The following RYR3 variants were observed in gnomAD, a reference collection of about 807,000 sequenced individuals.
RYR3 encodes the protein brain ryanodine receptor-calcium release channel.
A neutral mutation model predicts 584.3 loss-of-function variants in RYR3; 207 were observed. That is an observed-to-expected ratio of 0.35 (90% CI 0.32 to 0.40). The LOEUF is 0.40. RYR3 is among the 10% of genes least tolerant of loss of function. The probability of loss-of-function intolerance (pLI) is 1.00; values close to 1 mark genes in which losing one functional copy is unlikely to be tolerated. For synonymous variants in RYR3, 2,416 were observed against 2,248.5 expected (o/e 1.07, Z -2.11); for missense variants, 5,616 against 6,089.2 (o/e 0.92, Z 2.59).
chr15:33,706,843 T>G, intron 42 of RYR3, 76 bp from the exon 43 acceptor site: 2 of 1,377,624 alleles, frequency 1.5e-6, no homozygotes, highest in Non-Finnish European at 2.0e-6. Flanking sequence ...AACCAACACT[T>G]GTTATTTTTT....
chr15:33,729,783 T>C (rs1319958931), intron 47 of RYR3, among the ~76,000 whole-genome samples: 1 of 152,092 alleles, frequency 6.6e-6, no homozygotes, highest in Non-Finnish European at 1.5e-5. Context: ...CTAAAAAACA[T>C]CTTTCCAGTT....
chr15:33,535,713 T>G lies in RYR3; in HGVS notation c.433+2324T>G, dbSNP rs1328894456. On this transcript the variant is annotated intron_variant, in intron 5 of 103. Coordinates refer to ENST00000634891, the MANE Select transcript of RYR3 (RefSeq NM_001036.6). ...CTTTTTAGTCAAGTGTTCAGAGAAT[T>G]ATTTTAATTGTTAGAGCCTTAAATA... Among the ~76,000 whole-genome samples the G allele has an allele frequency of 3.9e-5, 6 of 152,358 alleles. No individual in the cohort carries two copies. The East Asian group carries it at 1.2e-3, about 29-fold the overall frequency.
intron 7 of RYR3, among the ~76,000 whole-genome samples, 160 bp downstream of exon 7, chr15:33,541,050 A>G (rs1293430190): frequency 6.6e-6 from 1 of 151,946 alleles, no homozygotes; most frequent in Non-Finnish European, 1.5e-5. Flanking sequence ...TTCAGTACAG[A>G]TTATTTTCTA....
chr15:33,488,814 G>A (rs1198656599), intron 2 of RYR3, among the ~76,000 whole-genome samples: 1 of 152,070 alleles, frequency 6.6e-6, no homozygotes, highest in African/African-American at 2.4e-5. Context: ...CTGCACTACT[G>A]CACTCCAGCC....
chr15:33,472,804 G>C (rs1166273696), intron 1 of RYR3, among the ~76,000 whole-genome samples: 1 of 152,018 alleles, frequency 6.6e-6, no homozygotes, highest in Non-Finnish European at 1.5e-5. Flanking sequence ...TTGACCTTCA[G>C]TTCCTCCTCC....
chr15:33,812,026 G>A (rs1012464227), intron 72 of RYR3, among the ~76,000 whole-genome samples: 1 of 152,000 alleles, frequency 6.6e-6, no homozygotes, highest in Admixed American at 6.6e-5. Flanking sequence ...GAAATCTCTA[G>A]GGCCAGAAAA....
chr15:33,473,252 G>A, intron 1 of RYR3, 167 bp from the exon 2 acceptor site: 1 of 821,048 alleles, frequency 1.2e-6, no homozygotes, highest in South Asian at 1.3e-5. Flanking sequence ...GCTCCGTGAT[G>A]TCCTGTGAAT....
intron 1 of RYR3, among the ~76,000 whole-genome samples, chr15:33,313,967 C>G (rs532672224): frequency 6.6e-6 from 1 of 152,288 alleles, no homozygotes; most frequent in Non-Finnish European, 1.5e-5. Context: ...CTGCAGTAAC[C>G]ACTGTAGGTG....
chr15:33,373,300 C>T (rs534800980), intron 1 of RYR3, among the ~76,000 whole-genome samples: 3 of 152,284 alleles, frequency 2.0e-5, no homozygotes, highest in East Asian at 1.9e-4. Flanking sequence ...TCTATATAAA[C>T]GCCAGAAGAG....
intron 1 of RYR3, among the ~76,000 whole-genome samples, chr15:33,458,527 A>T (rs758099869): frequency 3.9e-5 from 6 of 152,188 alleles, no homozygotes; most frequent in Non-Finnish European, 8.8e-5. Flanking sequence ...TTGTGTGTGT[A>T]TATCTCCTAT....
intron 88 of RYR3, 89 bp from the exon 89 acceptor site, chr15:33,837,542 A>G: frequency 7.1e-7 from 1 of 1,417,278 alleles, no homozygotes; most frequent in Non-Finnish European, 9.4e-7. Flanking sequence ...ATTTGGCACA[A>G]AAGTCTTCTA....
At chr15:33,636,158 G>T (rs897242917) in intron 26 of RYR3, among the ~76,000 whole-genome samples, 3 of 152,122 alleles carry the variant, frequency 2.0e-5, no homozygotes, top group Admixed American at 2.0e-4. Context: ...CCTGATTATT[G>T]CCATAGCTGT....
chr15:33,646,062 T>A (rs944536242), intron 28 of RYR3, among the ~76,000 whole-genome samples: 1 of 152,216 alleles, frequency 6.6e-6, no homozygotes, highest in Admixed American at 6.5e-5. Flanking sequence ...CTATGCTGTG[T>A]CTCCCAGATG....
intron 16 of RYR3, among the ~76,000 whole-genome samples, chr15:33,588,255 C>T (rs2058955732): frequency 6.6e-6 from 1 of 152,126 alleles, no homozygotes; most frequent in Admixed American, 6.5e-5. Context: ...AGCAGTTTCC[C>T]AGGAGCCACA....
chr15:33,757,406 A>G, intron 59 of RYR3, 69 bp from the exon 60 acceptor site: 1 of 1,522,170 alleles, frequency 6.6e-7, no homozygotes, highest in Non-Finnish European at 8.9e-7. Context: ...GAAAATAAAC[A>G]CTTTTAAATG....
At chr15:33,551,110 G>T (rs1484011210) in intron 10 of RYR3, among the ~76,000 whole-genome samples, 1 of 152,210 alleles carries the variant, frequency 6.6e-6, no homozygotes, top group African/African-American at 2.4e-5. Context: ...TGAACGGTCA[G>T]AATTGCATGC....
intron 1 of RYR3, among the ~76,000 whole-genome samples, chr15:33,334,855 C>G (rs983326992): frequency 2.0e-5 from 3 of 151,454 alleles, no homozygotes; most frequent in African/African-American, 7.3e-5. Flanking sequence ...CCCCATTAAA[C>G]AGTGGGCAAA....
chr15:33,737,274 T>A (rs1292552052), intron 49 of RYR3, among the ~76,000 whole-genome samples: 1 of 152,162 alleles, frequency 6.6e-6, no homozygotes, highest in Non-Finnish European at 1.5e-5. Flanking sequence ...CCCTTTTTTT[T>A]ATTGTCTTGT....
chr15:33,328,215 C>G (rs1301887590), intron 1 of RYR3, among the ~76,000 whole-genome samples: 1 of 152,200 alleles, frequency 6.6e-6, no homozygotes, highest in African/African-American at 2.4e-5. Context: ...ATCTCATGTT[C>G]CAACTAAACT....
Sources: gnomAD v4.1 joint callset for allele counts (sites outside exome capture counted in the v4.1 genomes callset) on GRCh38, gnomAD v4.1.1 for gene constraint, MANE v1.5 for transcripts, NCBI Gene and HGNC (gene_info 2026-07-23, HGNC 2026-07-21) for gene names.